The following BEST2 variants were observed in gnomAD, a reference collection of about 807,000 sequenced individuals.
The protein encoded by BEST2 is bestrophin-2a.
BEST2 carries 36 observed loss-of-function variants against 49.0 expected under a neutral mutation model. The observed-to-expected ratio is 0.73, with a 90% CI of 0.56 to 0.97. BEST2 has a LOEUF of 0.97. Among genes scored for constraint, BEST2 ranks in the 50% least tolerant of loss-of-function variants. BEST2 has a pLI of 0.00. For synonymous variants in BEST2, 335 were observed against 304.4 expected (o/e 1.10, Z -1.05); for missense variants, 672 against 710.0 (o/e 0.95, Z 0.61).
Position 12,752,529 on chromosome 19 carries a change from C to T in BEST2, c.-51-13C>T, listed in dbSNP as rs1967880205. The T allele has an allele frequency of 1.3e-6, 2 of 1,554,158 alleles. No homozygotes were observed. Among genetic ancestry groups the T allele is most frequent in the East Asian group, 2.3e-5 (1 of 44,378 alleles). ...GCTCAGTTATCCCCGCACCTCTCCA[C>T]CCACACCCGCAGCCCCCACCCGGGC... On this transcript the variant is annotated splice_polypyrimidine_tract_variant and intron_variant, in intron 1 of 9. Coordinates refer to ENST00000553030, the MANE Select transcript of BEST2 (RefSeq NM_017682.3).
chr19:12,755,676 A>G lies in BEST2; in HGVS notation c.776A>G (p.Asp259Gly), dbSNP rs746686694. The change falls in exon 7 of 10, where the codon GAC becomes GGC. Residue 259 changes from aspartate to glycine, a missense_variant. Asp to Gly is a moderately conservative substitution (Grantham distance 94). Coordinates refer to ENST00000553030, the MANE Select transcript of BEST2 (RefSeq NM_017682.3). This position sits in a 1 kb window ranked among gnomAD's most constrained non-coding sequence, Gnocchi z 4.4. ...LACLIGRQFL[D>G]PAQGYKDHDL... Reference sequence around the variant, plus strand: ...TGCCTCATTGGTCGCCAGTTCCTGGACCCGGCTCAGGGTTACAAAGACCAC... The same window carrying G: ...TGCCTCATTGGTCGCCAGTTCCTGGGCCCGGCTCAGGGTTACAAAGACCAC... 3.1e-6 allele frequency: 5 copies of G among 1,613,834 alleles called. No homozygotes were observed. In the South Asian group the frequency reaches 5.5e-5, roughly 18 times the overall value.
rs1967885486 is a variant in BEST2, at chr19:12,752,735, C to T, written c.143C>T (p.Ala48Val). The T allele has an allele frequency of 1.2e-6, 2 of 1,611,454 alleles. No individual in the cohort carries two copies. The highest frequency in any genetic ancestry group is 1.7e-6 in the Non-Finnish European group (2 of 1,179,482). Residue 48 changes from alanine (A) to valine (V), a missense_variant, in exon 2 of 10, where the codon GCT (alanine) becomes GTT (valine). Transcript: ENST00000553030. ...CFLGFYMALSAAYRFVLTEGQ... is the reference protein window; with the variant it reads ...CFLGFYMALSVAYRFVLTEGQ... ...CTTGGGTTCTACATGGCGCTGAGTGCTGCCTACCGGTGAGGCTGCCCTGAG... is the reference window on the plus strand; with the variant it reads ...CTTGGGTTCTACATGGCGCTGAGTGTTGCCTACCGGTGAGGCTGCCCTGAG...
chr19:12,755,252 T>C lies in BEST2; in HGVS notation c.637-127T>C. The C allele has an allele frequency of 8.9e-7, 1 of 1,123,786 alleles. No homozygotes were observed. Among genetic ancestry groups the C allele is most frequent in the Non-Finnish European group, 1.3e-6 (1 of 763,998 alleles). 69.6% of individuals were successfully genotyped at this position (1,123,786 alleles called of 1,614,324 possible). On this transcript the variant is annotated intron_variant, in intron 5 of 9. Transcript: ENST00000553030. The surrounding 1 kb of genome is among the most constrained non-coding windows in gnomAD (Gnocchi z 4.4). ...CACACTCACCACCAAATACCCTCCC[T>C]GGAACCCCCAAAGCACACTCCCAAT... is the stretch of plus-strand genomic sequence containing the variant.
chr19:12,753,421 G>A, intron 3 of BEST2, 67 bp downstream of exon 3: 1 of 1,473,038 alleles, frequency 6.8e-7, no homozygotes, highest in Non-Finnish European at 9.5e-7. Flanking sequence ...CATGCCTTTT[G>A]AGGAGCCCCC....
Position 12,757,900 on chromosome 19 carries a change from G to A in BEST2, c.1353G>A (p.Pro451=). 6.4e-7 allele frequency: 1 copy of A among 1,554,048 alleles called. No homozygotes were observed. Among genetic ancestry groups the A allele is most frequent in the Non-Finnish European group, 8.7e-7 (1 of 1,150,516 alleles). Residue 451 remains proline, a synonymous_variant, in exon 10 of 10, where the codon CCG becomes CCA. Transcript: ENST00000553030. Reference sequence around the variant, plus strand: ...CCCCGGAGTGCAGCTGCGGGGACCCGCTGCTCGACCCCGGCCTGCCGGAGC... The same window carrying A: ...CCCCGGAGTGCAGCTGCGGGGACCCACTGCTCGACCCCGGCCTGCCGGAGC... The part of the protein sequence containing the change: ...GAAPECSCGD[P]LLDPGLPEPE...
rs1338655961 is a variant in BEST2, at chr19:12,755,138, A to G, written c.636+107A>G. 7.3e-7 allele frequency: 1 copy of G among 1,364,424 alleles called. No homozygotes were observed. Among genetic ancestry groups the G allele is most frequent in the East Asian group, 2.5e-5 (1 of 40,716 alleles). The allele number at this position is 1,364,424 out of a possible 1,614,324, so 84.5% of individuals were successfully genotyped here. A position where few individuals can be genotyped will look rare whatever the true frequency, so the allele number is the denominator to read the frequency against. On this transcript the variant is annotated intron_variant, in intron 5 of 9. Transcript: ENST00000553030. This position sits in a 1 kb window ranked among gnomAD's most constrained non-coding sequence, Gnocchi z 4.4. The stretch of plus-strand genomic sequence containing the variant: ...CACCCCCACGAGGCCGATTTCAAAC[A>G]CCCTCACCAGGTGCACTCTTACCTC...
At position 12,757,810 on chromosome 19, in the gene BEST2, C is replaced by T. The variant is rs543812451; in HGVS notation, c.1263C>T (p.Asn421=). The T allele has an allele frequency of 6.5e-7, 1 of 1,548,972 alleles. No homozygotes were observed. The highest frequency in any genetic ancestry group is 1.2e-5 in the South Asian group (1 of 84,024). The change falls in exon 10 of 10, where the codon AAC becomes AAT. Residue 421 remains asparagine, a synonymous_variant. Transcript: ENST00000553030. ...GCCTGTCCTTTCTACTCCGCAAGAACAGCTGCGTGTCGGAGGCGTCTACTG... is the reference window on the plus strand; with the variant it reads ...GCCTGTCCTTTCTACTCCGCAAGAATAGCTGCGTGTCGGAGGCGTCTACTG... ...GRRLSFLLRK[N]SCVSEASTGA... is the part of the protein sequence containing the mutation.
chr19:12,755,952 A>G lies in BEST2; in HGVS notation c.948+17A>G. ...AACTTCCAGGTGAGACTCAGTTTCC[A>G]GGTGAGACTTCCAGGTGGCGACCAT... On this transcript the variant is annotated intron_variant, in intron 8 of 9. Transcript: ENST00000553030. This position sits in a 1 kb window ranked among gnomAD's most constrained non-coding sequence, Gnocchi z 4.4. 6.2e-7 allele frequency: 1 copy of G among 1,612,398 alleles called. No individual in the cohort carries two copies. The highest frequency in any genetic ancestry group is 8.5e-7 in the Non-Finnish European group (1 of 1,178,384).
chr19:12,752,957 TC>T (rs1415817490), intron 2 of BEST2, among the ~76,000 whole-genome samples: 5 of 152,152 alleles, frequency 3.3e-5, no homozygotes, highest in African/African-American at 1.2e-4. Flanking sequence ...CAAGCGATTC[TC>T]CTGCCTCAGC....
chr19:12,755,767 G>T lies in BEST2; in HGVS notation c.867G>T (p.Lys289Asn). The T allele has an allele frequency of 1.2e-6, 2 of 1,614,078 alleles. No individual in the cohort carries two copies. Among genetic ancestry groups the T allele is most frequent in the Non-Finnish European group, 1.7e-6 (2 of 1,179,926 alleles). ...LQFFFYAGWL[K>N]VAEQLINPFG... ...TCTTCTTCTACGCCGGCTGGCTCAAGGTAGGTGGGTGATCCAGGCTGGAAT... is the reference window on the plus strand; with the variant it reads ...TCTTCTTCTACGCCGGCTGGCTCAATGTAGGTGGGTGATCCAGGCTGGAAT... The change falls in exon 7 of 10, where the codon AAG becomes AAT. Residue 289 changes from lysine to asparagine, a missense_variant and splice_region_variant. Coordinates refer to ENST00000553030, the MANE Select transcript of BEST2 (RefSeq NM_017682.3). The surrounding 1 kb of genome is among the most constrained non-coding windows in gnomAD (Gnocchi z 4.4).
chr19:12,755,291 C>T lies in BEST2; in HGVS notation c.637-88C>T, dbSNP rs543474551. ...CACACTCCCAATTCCCACCAGGTGA[C>T]CACCCACCTCCATCCCACGTACCTA... On this transcript the variant is annotated intron_variant, in intron 5 of 9. Transcript: ENST00000553030. This position sits in a 1 kb window ranked among gnomAD's most constrained non-coding sequence, Gnocchi z 4.4. The T allele has an allele frequency of 6.6e-5, 92 of 1,398,224 alleles. No homozygotes were observed. In the African/African-American group the frequency reaches 1.1e-3, roughly 17 times the overall value. The allele number at this position is 1,398,224 out of a possible 1,614,324, so 86.6% of individuals were successfully genotyped here.
At position 12,758,212 on chromosome 19, in the gene BEST2, A is replaced by G. The variant is rs1157033777; in HGVS notation, c.*135A>G. On this transcript the variant is annotated 3_prime_UTR_variant, in exon 10 of 10. Coordinates refer to ENST00000553030, the MANE Select transcript of BEST2 (RefSeq NM_017682.3). ...CTTTTGACCAGCTCTCGCTGCCCGC[A>G]TGTGTTTGGCGCTGTGCTAGGGGCG... 5.3e-6 allele frequency: 6 copies of G among 1,132,856 alleles called. No homozygotes were observed. Among genetic ancestry groups the G allele is most frequent in the Non-Finnish European group, 7.4e-6 (6 of 807,016 alleles). 70.2% of individuals were successfully genotyped at this position (1,132,856 alleles called of 1,614,324 possible).
chr19:12,754,649 C>A lies in BEST2; in HGVS notation c.345C>A (p.His115Gln), dbSNP rs773552289. The A allele has an allele frequency of 6.4e-7, 1 of 1,560,164 alleles. No homozygotes were observed. Among genetic ancestry groups the A allele is most frequent in the Admixed American group, 1.9e-5 (1 of 52,248 alleles). ...ALMCVVAGTV[H>Q]GRDDRGRLYR... ...TGTGCGTGGTGGCGGGCACCGTGCA[C>A]GGACGCGACGACCGCGGCCGCCTCT... Residue 115 changes from histidine (H) to glutamine (Q), a missense_variant, in exon 4 of 10, where the codon CAC becomes CAA. Physicochemically the swap from His to Gln is conservative, Grantham distance 24. Coordinates refer to ENST00000553030, the MANE Select transcript of BEST2 (RefSeq NM_017682.3).
At position 12,755,776 on chromosome 19, in the gene BEST2, G is replaced by A; in HGVS notation, c.867+9G>A. 1 of 1,613,996 alleles carries A rather than the reference G, an allele frequency of 6.2e-7. No homozygotes were observed. Among genetic ancestry groups the A allele is most frequent in the South Asian group, 1.1e-5 (1 of 91,080 alleles). On this transcript the variant is annotated intron_variant, in intron 7 of 9. Coordinates refer to ENST00000553030, the MANE Select transcript of BEST2 (RefSeq NM_017682.3). The surrounding 1 kb of genome is among the most constrained non-coding windows in gnomAD (Gnocchi z 4.4). ...ACGCCGGCTGGCTCAAGGTAGGTGG[G>A]TGATCCAGGCTGGAATTTCGTGGGT... is the stretch of plus-strand genomic sequence containing the variant.
chr19:12,756,959 CA>C (rs1967952239), intron 9 of BEST2, among the ~76,000 whole-genome samples: 1 of 152,128 alleles, frequency 6.6e-6, no homozygotes, highest in East Asian at 1.9e-4. Context: ...GCCTGGCCAA[CA>C]TAGTGAAACC....
chr19:12,756,544 A>G (rs1431365151), intron 9 of BEST2: 1 of 536,426 alleles, frequency 1.9e-6, no homozygotes, highest in Non-Finnish European at 3.3e-6. Flanking sequence ...TGGTGATTCC[A>G]AAGGAGATGA....
In BEST2 at chr19:12,753,256, G is replaced by T. The variant is rs771995748; in HGVS notation, c.153-4G>T. ...ACCTGTGACCCCTCATCTCTATCCC[G>T]CAGCTTTGTGCTGACCGAAGGGCAG... On this transcript the variant is annotated splice_polypyrimidine_tract_variant and splice_region_variant and intron_variant, in intron 2 of 9. Coordinates refer to ENST00000553030, the MANE Select transcript of BEST2 (RefSeq NM_017682.3). 2.5e-6 allele frequency: 4 copies of T among 1,613,934 alleles called. No homozygotes were observed. The highest frequency in any genetic ancestry group is 3.4e-6 in the Non-Finnish European group (4 of 1,179,934).
intron 9 of BEST2, among the ~76,000 whole-genome samples, chr19:12,757,128 A>C (rs998363641): frequency 3.4e-5 from 5 of 145,670 alleles, no homozygotes; most frequent in Admixed American, 1.4e-4. Flanking sequence ...GGGCCACAAG[A>C]GTAAAACTGC....
chr19:12,755,641 C>T lies in BEST2; in HGVS notation c.741C>T (p.Tyr247=). Residue 247 remains tyrosine, a synonymous_variant, in exon 7 of 10, where the codon TAC becomes TAT. Transcript: ENST00000553030. This position sits in a 1 kb window ranked among gnomAD's most constrained non-coding sequence, Gnocchi z 4.4. ...TQVVTIALYS[Y]FLACLIGRQF... ...TGGTGACCATCGCACTGTACAGCTA[C>T]TTCCTGGCTTGCCTCATTGGTCGCC... 2 of 1,614,032 alleles carry T rather than the reference C, an allele frequency of 1.2e-6. No homozygotes were observed. Among genetic ancestry groups the T allele is most frequent in the Non-Finnish European group, 1.7e-6 (2 of 1,180,010 alleles).
Sources: gnomAD v4.1 joint callset for allele counts (sites outside exome capture counted in the v4.1 genomes callset) on GRCh38, gnomAD v4.1.1 for gene constraint, Gnocchi (gnomAD v3.1) non-coding constraint, MANE v1.5 for transcripts, NCBI Gene and HGNC (gene_info 2026-07-23, HGNC 2026-07-21) for gene names.